The following SNX29 variants were observed in gnomAD, a reference collection of about 807,000 sequenced individuals.
SNX29 encodes sorting nexin-29.
In SNX29, 78 loss-of-function variants were observed where a neutral mutation model predicts 102.1. The observed-to-expected ratio is 0.76, with a 90% confidence interval of 0.64 to 0.92. The LOEUF (loss-of-function observed/expected upper bound fraction) is 0.92. Ranked by LOEUF, SNX29 falls within the 40% of genes least tolerant of loss-of-function variation. The pLI is 0.00. For synonymous variants in SNX29, 580 were observed against 414.5 expected (o/e 1.40, Z -4.85); for missense variants, 1,280 against 1,061.7 (o/e 1.21, Z -2.86).
At chr16:12,004,767 T>C (rs2151030687) in intron 3 of SNX29, among the ~76,000 whole-genome samples, 1 of 152,380 alleles carries the variant, frequency 6.6e-6, no homozygotes, top group Middle Eastern at 3.4e-3. Flanking sequence ...CGTGGATGAT[T>C]TGAAACTGGC....
chr16:12,216,477 C>T (rs889049280), intron 14 of SNX29, among the ~76,000 whole-genome samples: 1 of 152,198 alleles, frequency 6.6e-6, no homozygotes, highest in African/African-American at 2.4e-5. Flanking sequence ...AGCAGCCAGC[C>T]ACACGTGTGT....
chr16:12,201,925 C>T (rs1263674666), intron 14 of SNX29, among the ~76,000 whole-genome samples: 1 of 152,136 alleles, frequency 6.6e-6, no homozygotes, highest in East Asian at 1.9e-4. Context: ...TGCCCATTCT[C>T]CCCAAATGGG....
intron 20 of SNX29, among the ~76,000 whole-genome samples, chr16:12,529,488 G>A (rs1205481204): frequency 1.3e-5 from 2 of 152,192 alleles, no homozygotes; most frequent in Admixed American, 6.5e-5. Flanking sequence ...GATTTGCCGT[G>A]CTGTCATTTA....
chr16:12,338,726 G>A (rs2081525994), intron 15 of SNX29, among the ~76,000 whole-genome samples: 2 of 152,168 alleles, frequency 1.3e-5, no homozygotes, highest in South Asian at 4.1e-4. Flanking sequence ...GCCTTCCTGG[G>A]TGGCAGGGGC....
chr16:12,298,416 C>T (rs2080051889), intron 15 of SNX29, among the ~76,000 whole-genome samples: 1 of 152,190 alleles, frequency 6.6e-6, no homozygotes, highest in Non-Finnish European at 1.5e-5. Context: ...GAATCTTGAA[C>T]AAGCCTGTGC....
In SNX29 at chr16:12,223,252, A is replaced by G. The variant is rs187286256; in HGVS notation, c.1678+23569A>G. On this transcript the variant is annotated intron_variant, in intron 14 of 20. Transcript: ENST00000566228. ...AGATTATACTAGTATTAGGCTGGGC[A>G]TAGTGGCTCACACCTGTAATCCCAG... 3.8e-3 allele frequency among the ~76,000 whole-genome samples: 580 copies of G among 152,308 alleles called. 1 individual carries two copies. The highest frequency in any genetic ancestry group is 0.01 in the Middle Eastern group (3 of 294).
chr16:12,540,627 C>T (rs1488286135), intron 20 of SNX29, among the ~76,000 whole-genome samples: 1 of 152,200 alleles, frequency 6.6e-6, no homozygotes, highest in African/African-American at 2.4e-5. Context: ...CCTAAAGAGT[C>T]CAGGATCATC....
intron 13 of SNX29, among the ~76,000 whole-genome samples, chr16:12,148,210 G>T (rs998738928): frequency 1.3e-5 from 2 of 152,224 alleles, no homozygotes; most frequent in African/African-American, 2.4e-5. Context: ...GAGCCACACA[G>T]GTTAAAGTGG....
chr16:12,099,573 C>T (rs2052919641), intron 11 of SNX29, among the ~76,000 whole-genome samples: 1 of 152,166 alleles, frequency 6.6e-6, no homozygotes, highest in African/African-American at 2.4e-5. Flanking sequence ...TTGGGTCCCC[C>T]ACAGCGTTCT....
chr16:12,378,718 A>C (rs1381368442), intron 16 of SNX29, among the ~76,000 whole-genome samples: 2 of 152,184 alleles, frequency 1.3e-5, no homozygotes, highest in Non-Finnish European at 2.9e-5. Flanking sequence ...AGCAAGTGTC[A>C]GCTTCACGGT....
chr16:12,551,452 A>G (rs978990958), intron 20 of SNX29, among the ~76,000 whole-genome samples: 10 of 152,204 alleles, frequency 6.6e-5, no homozygotes, highest in African/African-American at 2.4e-4. Context: ...CATGCTTTTA[A>G]AAATACAGAG....
chr16:12,169,531 G>A (rs1184664117), intron 13 of SNX29, among the ~76,000 whole-genome samples: 5 of 152,114 alleles, frequency 3.3e-5, no homozygotes, highest in African/African-American at 9.7e-5. Context: ...CAACATGGAC[G>A]TACTGTGTGA....
chr16:12,514,029 C>T (rs1183006623), intron 19 of SNX29, among the ~76,000 whole-genome samples: 2 of 152,240 alleles, frequency 1.3e-5, no homozygotes, highest in Non-Finnish European at 2.9e-5. Context: ...CACAGGTTGG[C>T]ATGGATTTGC....
chr16:12,263,858 T>A (rs1032551060), intron 14 of SNX29, among the ~76,000 whole-genome samples: 1 of 152,342 alleles, frequency 6.6e-6, no homozygotes, highest in East Asian at 1.9e-4. Context: ...AATTTGTGGA[T>A]GTTTCATGGG....
intron 20 of SNX29, among the ~76,000 whole-genome samples, chr16:12,547,856 G>A (rs183986758): frequency 2.0e-5 from 3 of 152,278 alleles, no homozygotes; most frequent in Admixed American, 2.0e-4. Flanking sequence ...CTGGAGTTTA[G>A]CAAAATGAGC....
At chr16:12,411,082 G>A (rs2084379450) in intron 18 of SNX29, among the ~76,000 whole-genome samples, 1 of 152,202 alleles carries the variant, frequency 6.6e-6, no homozygotes, top group Non-Finnish European at 1.5e-5. Context: ...TGCAGCTGCA[G>A]TGATGTGGGC....
At chr16:12,012,564 A>G (rs1020235859) in intron 3 of SNX29, among the ~76,000 whole-genome samples, 6 of 152,094 alleles carry the variant, frequency 3.9e-5, no homozygotes, top group Non-Finnish European at 7.4e-5. Context: ...GCCTGCCCCC[A>G]TGCCTGGCTA....
chr16:12,059,293 C>T (rs951862711), intron 8 of SNX29, among the ~76,000 whole-genome samples: 2 of 152,178 alleles, frequency 1.3e-5, no homozygotes, highest in Admixed American at 1.3e-4. Flanking sequence ...AAAGGGCGCC[C>T]CTGACCACCT....
intron 11 of SNX29, among the ~76,000 whole-genome samples, chr16:12,116,444 G>C (rs1381142245): frequency 1.3e-5 from 2 of 152,212 alleles, no homozygotes; most frequent in Admixed American, 1.3e-4. Flanking sequence ...GGCCAAGGCG[G>C]GGTGGATCAC....
Sources: allele counts gnomAD v4.1 joint callset (sites outside exome capture counted in the v4.1 genomes callset), GRCh38; gene constraint gnomAD v4.1.1; transcripts MANE v1.5; gene names NCBI Gene and HGNC (gene_info 2026-07-23, HGNC 2026-07-21).